BRPF3: variants seen among roughly 807,000 people sequenced by gnomAD.
BRPF3 encodes bromodomain and PHD finger containing 3.
A neutral mutation model predicts 102.0 loss-of-function variants in BRPF3; 18 were observed. That is an observed-to-expected ratio of 0.18 (90% CI 0.12 to 0.26). The LOEUF (loss-of-function observed/expected upper bound fraction) is 0.26, where lower values mean the gene tolerates loss of function less well. Ranked by LOEUF, BRPF3 falls within the 10% of genes least tolerant of loss-of-function variation. The pLI is 1.00. For missense variants in BRPF3, 1,147 were observed against 1,567.8 expected (o/e 0.73, Z 4.53); for synonymous variants, 570 against 614.2 (o/e 0.93, Z 1.06).
In BRPF3 at chr6:36,214,163, T is replaced by C. The variant is rs1219226052; in HGVS notation, c.2766T>C (p.Gly922=). ...CCCCGGCCGGTACCCCACTTAGTGG[T>C]GTGGGTCGCCGCACATCAGTCCTCT... is the stretch of plus-strand genomic sequence containing the variant. The part of the protein sequence containing the change: ...PDTPAGTPLS[G]VGRRTSVLFK... The change falls in exon 8 of 13, where the codon GGT becomes GGC. Residue 922 remains glycine (G), a synonymous_variant. Transcript: ENST00000357641. The C allele has an allele frequency of 1.9e-6, 3 of 1,614,056 alleles. No homozygotes were observed. The highest frequency in any genetic ancestry group is 1.7e-6 in the Non-Finnish European group (2 of 1,179,978).
rs1204428958 is a variant in BRPF3, at chr6:36,225,352, C to T, written c.3267C>T (p.Ser1089=). The change falls in exon 11 of 13, where the codon TCC becomes TCT. Residue 1089 remains serine (S), a synonymous_variant. Transcript: ENST00000357641. ...GGGCCAAGTGCCGAGGCTACCCCTC[C>T]TACCCTGCCTTGGTGAGTCTGCCCC... The part of the protein sequence containing the change: ...LVWAKCRGYP[S]YPALIIDPKM... The T allele has an allele frequency of 1.9e-6, 3 of 1,610,122 alleles. No homozygotes were observed. The highest frequency in any genetic ancestry group is 1.3e-5 in the African/African-American group (1 of 74,940).
chr6:36,225,651 A>C (rs1768714688), intron 11 of BRPF3, among the ~76,000 whole-genome samples: 1 of 152,254 alleles, frequency 6.6e-6, no homozygotes, highest in Non-Finnish European at 1.5e-5. Context: ...GAGAATCTTT[A>C]AAGCTACTGA....
Position 36,210,483 on chromosome 6 carries a change from G to A in BRPF3, c.2134G>A (p.Glu712Lys), listed in dbSNP as rs774981200. 4 of 1,603,556 alleles carry A rather than the reference G, an allele frequency of 2.5e-6. No individual in the cohort carries two copies. Among genetic ancestry groups the A allele is most frequent in the Admixed American group, 1.7e-5 (1 of 59,878 alleles). Residue 712 changes from glutamate to lysine, a missense_variant, in exon 6 of 13, where the codon GAG becomes AAG. Glu to Lys is a moderately conservative substitution (Grantham distance 56, BLOSUM62 1). Transcript: ENST00000357641. This position sits in a 1 kb window ranked among gnomAD's most constrained non-coding sequence, Gnocchi z 4.7. ...YDPERGTHLP[E>K]SPKLEDFYRF... The stretch of plus-strand genomic sequence containing the variant: ...CCCCGAGAGGGGCACTCACCTGCCC[G>A]AGTCACCCAAATTGGAAGACTTTTA...
In BRPF3 at chr6:36,211,574, A is replaced by T; in HGVS notation, c.2482+14A>T. 1 of 1,548,366 alleles carries T rather than the reference A, an allele frequency of 6.5e-7. No individual in the cohort carries two copies. The highest frequency in any genetic ancestry group is 8.7e-7 in the Non-Finnish European group (1 of 1,144,020). On this transcript the variant is annotated intron_variant, in intron 7 of 12. Coordinates refer to ENST00000357641, the MANE Select transcript of BRPF3 (RefSeq NM_015695.3). ...ATGGGGACAGAGGTGAGAGATAGTC[A>T]CAGGCAGGCAGGGGGTTGGAGGGTA...
intron 4 of BRPF3, 76 bp from the exon 5 acceptor site, chr6:36,209,711 C>CA (rs2127283301): frequency 6.5e-7 from 1 of 1,539,744 alleles, no homozygotes; most frequent in Non-Finnish European, 8.8e-7. Context: ...TGGTAAAAGT[C>CA]AAACTATCAA....
rs763488575 is a variant in BRPF3 at position 36,204,674 on chromosome 6, A to G, written c.1465A>G (p.Ser489Gly). ...IPSYRLNKICSGLSFQRKNQF... is the reference protein window; with the variant it reads ...IPSYRLNKICGGLSFQRKNQF... ...CTACTCAAGGTTGAACAAGATCTGT[A>G]GTGGTCTCTCCTTTCAGAGGAAAAA... is the stretch of plus-strand genomic sequence containing the variant. The change falls in exon 3 of 13, where the codon AGT becomes GGT. Residue 489 changes from serine (S) to glycine (G), a missense_variant. Coordinates refer to ENST00000357641, the MANE Select transcript of BRPF3 (RefSeq NM_015695.3). The G allele has an allele frequency of 6.2e-7, 1 of 1,614,212 alleles. No individual in the cohort carries two copies. Among genetic ancestry groups the G allele is most frequent in the Non-Finnish European group, 8.5e-7 (1 of 1,180,034 alleles).
Position 36,230,821 on chromosome 6 carries a change from A to C in BRPF3, c.*212A>C. 1.7e-6 allele frequency: 1 copy of C among 583,014 alleles called. No homozygotes were observed. Among genetic ancestry groups the C allele is most frequent in the Non-Finnish European group, 3.0e-6 (1 of 335,594 alleles). The allele number at this position is 583,014 out of a possible 1,614,324, so 36.1% of individuals were successfully genotyped here. A position where few individuals can be genotyped will look rare whatever the true frequency, so the allele number is the denominator to read the frequency against. ...TGCTGTGTGCCAAAAACTCCCACCC[A>C]AGGTCCCTCAGGGGATATTTCACTG... is the stretch of plus-strand genomic sequence containing the variant. On this transcript the variant is annotated 3_prime_UTR_variant, in exon 13 of 13. Coordinates refer to ENST00000357641, the MANE Select transcript of BRPF3 (RefSeq NM_015695.3). This position sits in a 1 kb window ranked among gnomAD's most constrained non-coding sequence, Gnocchi z 5.4.
chr6:36,202,021 C>T (rs147594786), intron 2 of BRPF3, among the ~76,000 whole-genome samples: 47 of 152,296 alleles, frequency 3.1e-4, no homozygotes, highest in African/African-American at 1.0e-3. Flanking sequence ...GATAGGATAT[C>T]TAAGACAGTA....
At chr6:36,222,383 C>A in intron 10 of BRPF3, 118 bp downstream of exon 10, 2 of 836,048 alleles carry the variant, frequency 2.4e-6, no homozygotes, top group Non-Finnish European at 3.8e-6. Flanking sequence ...CTCCCCCAAA[C>A]TCTTGGGCCC....
chr6:36,216,375 A>C (rs552073395), intron 8 of BRPF3, among the ~76,000 whole-genome samples: 1 of 152,138 alleles, frequency 6.6e-6, no homozygotes, highest in Admixed American at 6.5e-5. Context: ...GGCCCATCCA[A>C]CCTGAGGGGG....
At chr6:36,215,939 G>A (rs1768314195) in intron 8 of BRPF3, among the ~76,000 whole-genome samples, 1 of 152,216 alleles carries the variant, frequency 6.6e-6, no homozygotes, top group African/African-American at 2.4e-5. Flanking sequence ...ACTTTGGACT[G>A]TGTGGCCAGC....
At chr6:36,199,349 C>T (rs905059559) in intron 1 of BRPF3, among the ~76,000 whole-genome samples, 87 of 152,330 alleles carry the variant, frequency 5.7e-4, no homozygotes, top group African/African-American at 2.0e-3. Context: ...TCACCACCCA[C>T]CCTCATCTGT....
intron 8 of BRPF3, among the ~76,000 whole-genome samples, chr6:36,214,792 C>T (rs1768268804): frequency 1.3e-5 from 2 of 152,192 alleles, no homozygotes; most frequent in Admixed American, 6.5e-5. Flanking sequence ...ATGAGTAAAC[C>T]GTATCTTGTA....
intron 8 of BRPF3, among the ~76,000 whole-genome samples, chr6:36,216,426 A>G (rs990248416): frequency 6.6e-6 from 1 of 152,210 alleles, no homozygotes; most frequent in African/African-American, 2.4e-5. Flanking sequence ...GTCTCTCACC[A>G]TCCCAGTTGC....
chr6:36,214,379 A>G lies in BRPF3; in HGVS notation c.2982A>G (p.Glu994=), dbSNP rs368714208. 2.2e-5 allele frequency: 35 copies of G among 1,573,488 alleles called. No individual in the cohort carries two copies. Among genetic ancestry groups the G allele is most frequent in the Non-Finnish European group, 3.0e-5 (35 of 1,160,748 alleles). ...GGGAGAGGTCCCCCCAGCAGGAGGAAGAGACAGGTGACCCTGCCTGTGACT... is the reference window on the plus strand; with the variant it reads ...GGGAGAGGTCCCCCCAGCAGGAGGAGGAGACAGGTGACCCTGCCTGTGACT... ...SEGERSPQQE[E]ETGMTNGFGK... is the part of the protein sequence containing the mutation. Residue 994 remains glutamate, a synonymous_variant, in exon 8 of 13, where the codon GAA becomes GAG. Coordinates refer to ENST00000357641, the MANE Select transcript of BRPF3 (RefSeq NM_015695.3).
intron 11 of BRPF3, among the ~76,000 whole-genome samples, chr6:36,225,995 A>T (rs1768726454): frequency 6.6e-6 from 1 of 152,230 alleles, no homozygotes; most frequent in Admixed American, 6.5e-5. Flanking sequence ...GAACATGCAC[A>T]TCTTATGCCA....
At chr6:36,212,874 AC>A (rs942819826) in intron 7 of BRPF3, among the ~76,000 whole-genome samples, 52 of 151,828 alleles carry the variant, frequency 3.4e-4, no homozygotes, top group Non-Finnish European at 6.3e-4. Flanking sequence ...AATGGCGTGA[AC>A]CCGGGAAGCG....
rs368933034 is a variant in BRPF3, at chr6:36,204,651, A to G, written c.1449-7A>G. On this transcript the variant is annotated splice_region_variant and splice_polypyrimidine_tract_variant and intron_variant, in intron 2 of 12. Coordinates refer to ENST00000357641, the MANE Select transcript of BRPF3 (RefSeq NM_015695.3). ...TTGTCTTTCACTTCCGTGTGCCTCT[A>G]CTCAAGGTTGAACAAGATCTGTAGT... 25 of 1,613,978 alleles carry G rather than the reference A, an allele frequency of 1.5e-5. No homozygotes were observed. The African/African-American group carries it at 2.9e-4, about 19-fold the overall frequency.
chr6:36,225,472 T>C (rs1050812485), intron 11 of BRPF3, 108 bp downstream of exon 11: 8 of 975,560 alleles, frequency 8.2e-6, no homozygotes, highest in African/African-American at 4.9e-5. Flanking sequence ...TGTCTTTAGC[T>C]GTAGAGGGGA....
Sources: gnomAD v4.1 joint callset for allele counts (sites outside exome capture counted in the v4.1 genomes callset) on GRCh38, gnomAD v4.1.1 for gene constraint, Gnocchi (gnomAD v3.1) non-coding constraint, MANE v1.5 for transcripts, NCBI Gene and HGNC (gene_info 2026-07-23, HGNC 2026-07-21) for gene names.